Variants in MTAP observed in about 807,000 individuals in gnomAD.
MTAP encodes S-methyl-5'-thioadenosine phosphorylase.
MTAP carries 33 observed loss-of-function variants against 33.6 expected under a neutral mutation model. That is an observed-to-expected ratio of 0.98 (90% CI 0.74 to 1.31). The LOEUF is 1.31. Among genes scored for constraint, MTAP ranks in the 40% most tolerant of loss-of-function variants. MTAP has a pLI of 0.00. For missense variants in MTAP, 367 were observed against 360.0 expected, an observed-to-expected ratio of 1.02 and a Z score of -0.16; for synonymous variants, 148 against 125.7, an observed-to-expected ratio of 1.18 and a Z score of -1.19.
In MTAP at chr9:21,930,955, C is replaced by G. The variant is rs113314601; in HGVS notation, c.148-53C>G. 1,086 of 716,148 alleles carry G rather than the reference C, an allele frequency of 1.5e-3. 3 individuals carry two copies. The highest frequency in any genetic ancestry group is 2.3e-3 in the Non-Finnish European group (896 of 392,696). The allele number at this position is 716,148 out of a possible 1,614,324, so 44.4% of individuals were successfully genotyped here. ...AGCCTCTACTTTTGCTCCTTTCAGTCCATGTCTTCAAAAATCTAATAACCC... is the reference window on the plus strand; with the variant it reads ...AGCCTCTACTTTTGCTCCTTTCAGTGCATGTCTTCAAAAATCTAATAACCC... On this transcript the variant is annotated intron_variant, in intron 1 of 1. Coordinates refer to the MTAP transcript ENST00000577563.
chr9:21,836,630 C>T (rs893645022), intron 4 of MTAP, among the ~76,000 whole-genome samples: 2 of 152,230 alleles, frequency 1.3e-5, no homozygotes, highest in Non-Finnish European at 2.9e-5. Flanking sequence ...AGAGAAAAGC[C>T]TCTGTTTATA....
At chr9:21,884,941 T>G (rs954667985) in intron 1 of MTAP, among the ~76,000 whole-genome samples, 1 of 152,102 alleles carries the variant, frequency 6.6e-6, no homozygotes, top group Admixed American at 6.6e-5. Context: ...AGGAAACCAC[T>G]ACCATAAAAT....
downstream of MTAP, among the ~76,000 whole-genome samples, chr9:21,939,131 C>G (rs1449020151): frequency 6.6e-6 from 1 of 152,108 alleles, no homozygotes; most frequent in Non-Finnish European, 1.5e-5. Flanking sequence ...GGGGTTTCTG[C>G]TTTTGCTTCT....
In MTAP at chr9:21,864,281, A is replaced by G. The variant is rs1825812738; in HGVS notation, c.*2267A>G. 1.0e-6 allele frequency: 1 copy of G among 985,198 alleles called. No individual in the cohort carries two copies. Among genetic ancestry groups the G allele is most frequent in the Non-Finnish European group, 1.2e-6 (1 of 829,888 alleles). 61.0% of individuals were successfully genotyped at this position (985,198 alleles called of 1,614,324 possible). Reference sequence around the variant, plus strand: ...ATGCAAAGCCAATATAATTTTCCTCATACCTTATGCTTGAGGATATTGTTG... The same window carrying G: ...ATGCAAAGCCAATATAATTTTCCTCGTACCTTATGCTTGAGGATATTGTTG... On this transcript the variant is annotated 3_prime_UTR_variant, in exon 8 of 8. Transcript: ENST00000644715.
chr9:21,920,343 G>A (rs2131031738), intron 1 of MTAP, among the ~76,000 whole-genome samples: 1 of 152,234 alleles, frequency 6.6e-6, no homozygotes, highest in African/African-American at 2.4e-5. Flanking sequence ...TTCCATTAGA[G>A]CAATGAAAAG....
chr9:21,843,624 G>T (rs1000758945), intron 5 of MTAP, among the ~76,000 whole-genome samples: 3 of 152,146 alleles, frequency 2.0e-5, no homozygotes, highest in Admixed American at 6.5e-5. Flanking sequence ...ACTTGGAAAT[G>T]AAATAATCTG....
chr9:21,823,221 C>T (rs1293694684), intron 4 of MTAP, among the ~76,000 whole-genome samples: 3 of 152,146 alleles, frequency 2.0e-5, no homozygotes, highest in African/African-American at 4.8e-5. Flanking sequence ...TTCTTCCTAG[C>T]ATCGATGGTC....
intron 1 of MTAP, chr9:21,930,993 T>C (rs1563874917): frequency 1.3e-6 from 1 of 758,110 alleles, no homozygotes; most frequent in East Asian, 2.4e-5. Flanking sequence ...TTTGTCTCCT[T>C]TCTCTCACCT....
Position 21,806,773 on chromosome 9 carries a change from C to T in MTAP, c.33+3992C>T, listed in dbSNP as rs1260186571. 2.0e-5 allele frequency among the ~76,000 whole-genome samples: 3 copies of T among 152,252 alleles called. No individual in the cohort carries two copies. The East Asian group carries it at 5.8e-4, about 29-fold the overall frequency. The stretch of plus-strand genomic sequence containing the variant: ...GTGGTATTCCTGACAGAGGGCCAAA[C>T]CAGTCTTTGGCACCCAGATACAGGG... On this transcript the variant is annotated intron_variant, in intron 1 of 7. Coordinates refer to ENST00000644715, the MANE Select transcript of MTAP (RefSeq NM_002451.4).
chr9:21,817,547 G>A (rs1012944745), intron 3 of MTAP, among the ~76,000 whole-genome samples: 8 of 152,026 alleles, frequency 5.3e-5, no homozygotes, highest in South Asian at 2.1e-4. Flanking sequence ...ATTCCCTGCC[G>A]TGTGGCCTGC....
chr9:21,890,388 C>T (rs1178149065), intron 1 of MTAP, among the ~76,000 whole-genome samples: 1 of 152,216 alleles, frequency 6.6e-6, no homozygotes, highest in Non-Finnish European at 1.5e-5. Flanking sequence ...GGCTTTCAGG[C>T]CCAGTCCCTT....
At chr9:21,856,187 G>T (rs949835461) in intron 6 of MTAP, 95 of 985,228 alleles carry the variant, frequency 9.6e-5, no homozygotes, top group Non-Finnish European at 1.1e-4. Flanking sequence ...TTGAAGTAAG[G>T]AAAACATTTA....
intron 4 of MTAP, among the ~76,000 whole-genome samples, chr9:21,826,467 G>A (rs1004965688): frequency 3.3e-5 from 5 of 151,710 alleles, no homozygotes; most frequent in Non-Finnish European, 2.9e-5. Context: ...CTATAAACTG[G>A]ATTTAGTTCT....
intron 1 of MTAP, among the ~76,000 whole-genome samples, chr9:21,808,148 T>A (rs952797552): frequency 3.3e-5 from 5 of 152,358 alleles, no homozygotes; most frequent in Middle Eastern, 3.4e-3. Context: ...CTTAGAATAT[T>A]CAGATGTCCA....
At chr9:21,930,430 C>A (rs773870994) in intron 1 of MTAP, 74 of 211,344 alleles carry the variant, frequency 3.5e-4, no homozygotes, top group Non-Finnish European at 5.9e-4. Context: ...TACCCCTGGA[C>A]ATCTTTATAC....
chr9:21,807,821 G>A (rs1251830711), intron 1 of MTAP, among the ~76,000 whole-genome samples: 1 of 152,154 alleles, frequency 6.6e-6, no homozygotes, highest in Admixed American at 6.5e-5. Context: ...CAGAAACAGA[G>A]ACTGATGGTA....
At chr9:21,832,459 G>C (rs1388420622) in intron 4 of MTAP, among the ~76,000 whole-genome samples, 1 of 152,186 alleles carries the variant, frequency 6.6e-6, no homozygotes, top group Non-Finnish European at 1.5e-5. Context: ...AACCCTTACT[G>C]TTCTTACTTC....
At chr9:21,897,671 C>G (rs1818318965) in intron 1 of MTAP, among the ~76,000 whole-genome samples, 1 of 152,188 alleles carries the variant, frequency 6.6e-6, no homozygotes, top group African/African-American at 2.4e-5. Context: ...ATCCAGCTTA[C>G]AAGGGATGTG....
At chr9:21,806,810 G>A (rs1049776656) in intron 1 of MTAP, among the ~76,000 whole-genome samples, 1 of 152,074 alleles carries the variant, frequency 6.6e-6, no homozygotes, top group South Asian at 2.1e-4. Flanking sequence ...ATTCTGGAGG[G>A]CTCCTGCAGT....
Sources: allele counts gnomAD v4.1 joint callset (sites outside exome capture counted in the v4.1 genomes callset), GRCh38; gene constraint gnomAD v4.1.1; transcripts MANE v1.5; gene names NCBI Gene and HGNC (gene_info 2026-07-23, HGNC 2026-07-21).